INF2: variants seen among roughly 807,000 people sequenced by gnomAD.
The protein encoded by INF2 is inverted formin 2.
A neutral mutation model predicts 123.5 loss-of-function variants in INF2; 43 were observed. That is an observed-to-expected ratio of 0.35 (90% CI 0.27 to 0.45). INF2 has a LOEUF of 0.45. Ranked by LOEUF, INF2 falls within the 20% of genes least tolerant of loss-of-function variation. INF2 has a pLI of 1.00. For synonymous variants in INF2, 851 were observed against 745.0 expected, an observed-to-expected ratio of 1.14 and a Z score of -2.32; for missense variants, 1,453 against 1,682.7, an observed-to-expected ratio of 0.86 and a Z score of 2.39.
chr14:104,713,038 C>T (rs371042391), intron 18 of INF2, 46 bp downstream of exon 18: 2 of 1,610,306 alleles, frequency 1.2e-6, no homozygotes, highest in Non-Finnish European at 1.7e-6. Flanking sequence ...AGAGTGGGGT[C>T]CCGAGGCCCC....
At chr14:104,716,070 T>G in intron 22 of INF2, 1 of 410,908 alleles carries the variant, frequency 2.4e-6, no homozygotes, top group Non-Finnish European at 4.9e-6. Flanking sequence ...AGGACCAGCC[T>G]GCACTGGGTG....
In INF2 at chr14:104,707,047, C is replaced by T. The variant is rs767326432; in HGVS notation, c.981C>T (p.Ser327=). ...TGAACCGGGCCGTGCTCCTGGCCAG[C>T]GATGGTGAGGGGGCGGGGCAGGGGC... ...SLVNRAVLLA[S]DAQECTLEEV... The change falls in exon 7 of 23, where the codon AGC becomes AGT. Residue 327 remains serine (S), a synonymous_variant. Coordinates refer to ENST00000392634, the MANE Select transcript of INF2 (RefSeq NM_022489.4). 17 of 1,578,240 alleles carry T rather than the reference C, an allele frequency of 1.1e-5. No homozygotes were observed. In the African/African-American group the frequency reaches 1.2e-4, roughly 11 times the overall value.
Position 104,707,675 on chromosome 14 carries a change from G to C in INF2, c.1408G>C (p.Ala470Pro). 1.0e-6 allele frequency: 1 copy of C among 953,190 alleles called. No homozygotes were observed. Among genetic ancestry groups the C allele is most frequent in the Non-Finnish European group, 1.6e-6 (1 of 634,824 alleles). The allele number at this position is 953,190 out of a possible 1,614,324, so 59.0% of individuals were successfully genotyped here. A position where few individuals can be genotyped will look rare whatever the true frequency, so the allele number is the denominator to read the frequency against. The change falls in exon 8 of 23, where the codon GCC becomes CCC. Residue 470 changes from alanine (A) to proline (P), a missense_variant. Physicochemically the swap from Ala to Pro is conservative, Grantham distance 27. This residue lies in a region of INF2 where 374 missense variants were observed against 303.7 expected (regional missense o/e 1.23). Transcript: ENST00000392634. ...ACCCCTGCCAGGCCTGGGGGCCATG[G>C]CCCCCCCAGCACCTCCTCTACCACC... ...PPPLPGLGAM[A>P]PPAPPLPPPL...
intron 5 of INF2, among the ~76,000 whole-genome samples, chr14:104,705,235 G>A (rs936259591): frequency 3.9e-5 from 6 of 152,200 alleles, no homozygotes; most frequent in African/African-American, 1.4e-4. Context: ...TGGCCAACAT[G>A]GTGAAACCCC....
rs1252942859 is a variant in INF2, at chr14:104,707,326, G to GGTCAAGGCCCATAAAAGC, written c.1063_1080dup (p.Lys355_Val360dup). 1 of 1,603,678 alleles carries GGTCAAGGCCCATAAAAGC rather than the reference G, an allele frequency of 6.2e-7. No individual in the cohort carries two copies. Among genetic ancestry groups the GGTCAAGGCCCATAAAAGC allele is most frequent in the Admixed American group, 1.7e-5 (1 of 58,760 alleles). On this transcript the variant is annotated inframe_insertion, in exon 8 of 23. Coordinates refer to ENST00000392634, the MANE Select transcript of INF2 (RefSeq NM_022489.4). Reference sequence around the variant, plus strand: ...AGGGGCGACCCAGACCGAGCCCCCTGGTCAAGGCCCATAAAAGCGTCCAGG... The same window carrying GGTCAAGGCCCATAAAAGC: ...AGGGGCGACCCAGACCGAGCCCCCTGGTCAAGGCCCATAAAAGCGTCAAGGCCCATAAAAGCGTCCAGG...
In INF2 at chr14:104,699,668, G is replaced by A. The variant is rs1437361293; in HGVS notation, c.-9-1689G>A. ...GGGTGGCTTAAAACCACAGTGCACCGGGGGCTCCGGGCTCTCCGTTCTACA... is the reference window on the plus strand; with the variant it reads ...GGGTGGCTTAAAACCACAGTGCACCAGGGGCTCCGGGCTCTCCGTTCTACA... On this transcript the variant is annotated intron_variant, in intron 1 of 22. Coordinates refer to ENST00000392634, the MANE Select transcript of INF2 (RefSeq NM_022489.4). The surrounding 1 kb of genome is among the most constrained non-coding windows in gnomAD (Gnocchi z 4.7). The A allele has an allele frequency of 8.4e-6, 7 of 829,924 alleles. No homozygotes were observed. Among genetic ancestry groups the A allele is most frequent in the African/African-American group, 3.7e-5 (2 of 53,726 alleles). The allele number at this position is 829,924 out of a possible 1,614,324, so 51.4% of individuals were successfully genotyped here.
At chr14:104,709,571 G>A (rs1396343202) in intron 11 of INF2, 49 bp from the exon 12 acceptor site, 1 of 1,550,888 alleles carries the variant, frequency 6.4e-7, no homozygotes, top group East Asian at 2.2e-5. Context: ...GTCCGGGAGG[G>A]CGGGAAGCTG....
At chr14:104,708,762 G>A in intron 10 of INF2, 30 bp downstream of exon 10, 1 of 1,609,590 alleles carries the variant, frequency 6.2e-7, no homozygotes, top group South Asian at 1.1e-5. Context: ...CCCATCCCAG[G>A]CCACGGAGCC....
At chr14:104,704,293 G>A in intron 5 of INF2, 1 of 766,208 alleles carries the variant, frequency 1.3e-6, no homozygotes, top group Non-Finnish European at 1.9e-6. Context: ...GAACTACAGG[G>A]TGGTTCACGT....
In INF2 at chr14:104,711,247, A is replaced by T. The variant is rs897345200; in HGVS notation, c.2418+61A>T. 1.6e-5 allele frequency: 21 copies of T among 1,340,210 alleles called. No homozygotes were observed. The Admixed American group carries it at 2.8e-4, about 18-fold the overall frequency. The allele number at this position is 1,340,210 out of a possible 1,614,324, so 83.0% of individuals were successfully genotyped here. A position where few individuals can be genotyped will look rare whatever the true frequency, so the allele number is the denominator to read the frequency against. On this transcript the variant is annotated intron_variant, in intron 15 of 22. Transcript: ENST00000392634. ...TCAAGTCCCCCCGGACCTGGGGTGT[A>T]GAGGCGTAGAGGCCATACCCCCATG...
In INF2 at chr14:104,715,365, G is replaced by A. The variant is rs747715355; in HGVS notation, c.*1+25G>A. 6 of 1,607,492 alleles carry A rather than the reference G, an allele frequency of 3.7e-6. No individual in the cohort carries two copies. The South Asian group carries it at 5.5e-5, about 15-fold the overall frequency. On this transcript the variant is annotated intron_variant, in intron 22 of 22. Transcript: ENST00000392634. ...GGTATGTACGCAGCCGGCGCTCCGTGGGGGCTAACAGCAGCTGCAGGGCAG... is the reference window on the plus strand; with the variant it reads ...GGTATGTACGCAGCCGGCGCTCCGTAGGGGCTAACAGCAGCTGCAGGGCAG...
At position 104,706,958 on chromosome 14, in the gene INF2, C is replaced by T; in HGVS notation, c.892C>T (p.Leu298Phe). The T allele has an allele frequency of 1.2e-6, 2 of 1,602,404 alleles. No homozygotes were observed. The highest frequency in any genetic ancestry group is 1.7e-6 in the Non-Finnish European group (2 of 1,179,260). Residue 298 changes from leucine (L) to phenylalanine (F), a missense_variant, in exon 7 of 23, where the codon CTC (leucine) becomes TTC (phenylalanine). Coordinates refer to ENST00000392634, the MANE Select transcript of INF2 (RefSeq NM_022489.4). ...CCAGCTCCTGTCGGTGCTGCAGGGC[C>T]TCCTGCACCTGGAGCCCACCCTCCG... ...SAQLLSVLQGLLHLEPTLRSS... is the reference protein window; with the variant it reads ...SAQLLSVLQGFLHLEPTLRSS...
At chr14:104,696,411 G>A (rs1355134747) in intron 1 of INF2, among the ~76,000 whole-genome samples, 1 of 152,242 alleles carries the variant, frequency 6.6e-6, no homozygotes, top group Non-Finnish European at 1.5e-5. Flanking sequence ...GGCAGTGGGT[G>A]GACCCCCATC....
intron 1 of INF2, among the ~76,000 whole-genome samples, chr14:104,682,460 C>T (rs909353005): frequency 7.2e-5 from 11 of 152,168 alleles, no homozygotes; most frequent in Non-Finnish European, 1.3e-4. Flanking sequence ...CAGCTGCCTG[C>T]AGTGGGGCGC....
intron 1 of INF2, among the ~76,000 whole-genome samples, chr14:104,696,895 A>T (rs1889216737): frequency 6.7e-6 from 1 of 149,456 alleles, no homozygotes; most frequent in Non-Finnish European, 1.5e-5. Flanking sequence ...TGCCAGTGCC[A>T]GAAGGGCGAC....
chr14:104,682,914 C>T (rs192509274), intron 1 of INF2, among the ~76,000 whole-genome samples: 13 of 152,134 alleles, frequency 8.5e-5, no homozygotes, highest in East Asian at 3.9e-4. Flanking sequence ...ATGCAGCCTG[C>T]GCTAGTGGCT....
intron 16 of INF2, 110 bp from the exon 17 acceptor site, chr14:104,712,323 C>A (rs1166099607): frequency 1.7e-5 from 24 of 1,425,752 alleles, no homozygotes; most frequent in Non-Finnish European, 2.1e-5. Flanking sequence ...CAGAGTACAG[C>A]CTGCAGGGTG....
At chr14:104,704,799 T>A (rs939104814) in intron 5 of INF2, 1 of 152,176 alleles carries the variant, frequency 6.6e-6, no homozygotes, top group Non-Finnish European at 1.5e-5. Context: ...AAAAATTTTT[T>A]AAAAAAGAAA....
chr14:104,706,790 C>T, intron 6 of INF2, 120 bp from the exon 7 acceptor site: 1 of 1,157,444 alleles, frequency 8.6e-7, no homozygotes. Flanking sequence ...ACTCTCATCT[C>T]TAGGGATCCG....
Sources: gnomAD v4.1 joint callset for allele counts (sites outside exome capture counted in the v4.1 genomes callset) on GRCh38, gnomAD v4.1.1 for gene constraint, gnomAD v4.1.1 regional missense constraint, Gnocchi (gnomAD v3.1) non-coding constraint, MANE v1.5 for transcripts, NCBI Gene and HGNC (gene_info 2026-07-23, HGNC 2026-07-21) for gene names.